TBC1D16: variants seen among roughly 807,000 people sequenced by gnomAD.
TBC1D16 encodes the protein CTD-2529O21.1.
Under a neutral mutation model 74.7 loss-of-function variants are expected in TBC1D16, and 58 were observed. The observed-to-expected ratio is 0.78, with a 90% CI of 0.63 to 0.97. TBC1D16 has a LOEUF of 0.97. TBC1D16 is among the 50% of genes least tolerant of loss of function. TBC1D16 has a pLI of 0.00. For missense variants in TBC1D16, 1,014 were observed against 1,079.5 expected, an observed-to-expected ratio of 0.94 and a Z score of 0.85; for synonymous variants, 493 against 474.7, an observed-to-expected ratio of 1.04 and a Z score of -0.50.
chr17:80,028,591 T>C (rs2036667531), intron 1 of TBC1D16, among the ~76,000 whole-genome samples: 1 of 151,620 alleles, frequency 6.6e-6, no homozygotes, highest in Non-Finnish European at 1.5e-5. Context: ...TCAATGCTGA[T>C]TCTAAACCAT....
At chr17:79,973,941 C>T (rs1340402021) in intron 3 of TBC1D16, among the ~76,000 whole-genome samples, 1 of 152,214 alleles carries the variant, frequency 6.6e-6, no homozygotes, top group Admixed American at 6.5e-5. Context: ...AACCTCAGCA[C>T]AGAATTCTGT....
intron 3 of TBC1D16, among the ~76,000 whole-genome samples, chr17:79,965,917 G>A (rs944037583): frequency 1.6e-4 from 24 of 152,180 alleles, no homozygotes; most frequent in South Asian, 4.1e-4. Flanking sequence ...TGGCCTGGTC[G>A]CCTCTTTCCT....
chr17:79,944,134 G>A lies in TBC1D16; in HGVS notation c.1908+774C>T, dbSNP rs1288521176. 42 of 1,535,828 alleles carry A rather than the reference G, an allele frequency of 2.7e-5. No homozygotes were observed. In the East Asian group the frequency reaches 3.7e-4, roughly 13 times the overall value. On this transcript the variant is annotated intron_variant, in intron 10 of 11. Transcript: ENST00000310924. The surrounding 1 kb of genome is among the most constrained non-coding windows in gnomAD (Gnocchi z 7.7). ...TGCGGTGTGAGTGAGGACAGGAGAC[G>A]CTGACGCAAATGTCTTCCAGCAGAT... is the stretch of plus-strand genomic sequence containing the variant.
At chr17:79,978,835 G>A (rs1213257243) in intron 3 of TBC1D16, among the ~76,000 whole-genome samples, 1 of 152,144 alleles carries the variant, frequency 6.6e-6, no homozygotes, top group Non-Finnish European at 1.5e-5. Context: ...GCAAAGGGAC[G>A]CTGGGTACAT....
intron 3 of TBC1D16, among the ~76,000 whole-genome samples, chr17:79,995,874 C>T (rs763541484): frequency 1.3e-5 from 2 of 152,116 alleles, no homozygotes; most frequent in Non-Finnish European, 2.9e-5. Flanking sequence ...TCATAAAAGG[C>T]ACAACTCATA....
rs1598301272 is a variant in TBC1D16 at position 79,937,908 on chromosome 17, T to G, written c.*2951A>C. 1 of 152,258 alleles carries G rather than the reference T, an allele frequency of 6.6e-6. No homozygotes were observed. Among genetic ancestry groups the G allele is most frequent in the East Asian group, 1.9e-4 (1 of 5,194 alleles). The allele number at this position is 152,258 out of a possible 1,614,324, so 9.4% of individuals were successfully genotyped here. ...TGTCAGCAGACATTAGCAGCAGAGC[T>G]GCACCACGCATCAACTTTTAAGTAT... On this transcript the variant is annotated 3_prime_UTR_variant, in exon 12 of 12. Transcript: ENST00000310924.
At chr17:80,004,901 C>A (rs1407779605) in intron 3 of TBC1D16, among the ~76,000 whole-genome samples, 3 of 152,196 alleles carry the variant, frequency 2.0e-5, no homozygotes, top group Non-Finnish European at 2.9e-5. Flanking sequence ...CCTCCAACTG[C>A]CAACCTCAAG....
chr17:79,950,244 T>C lies in TBC1D16; in HGVS notation c.1257+167A>G, dbSNP rs2032935983. 6.6e-6 allele frequency among the ~76,000 whole-genome samples: 1 copy of C among 152,088 alleles called. No homozygotes were observed. Among genetic ancestry groups the C allele is most frequent in the Non-Finnish European group, 1.5e-5 (1 of 67,994 alleles). On this transcript the variant is annotated intron_variant, in intron 6 of 11. Transcript: ENST00000310924. The surrounding 1 kb of genome is among the most constrained non-coding windows in gnomAD (Gnocchi z 4.6). ...TTTTCAACGCAGCAGCTTTGATTGCTTTATCGGTGTGTTCACAGAGAGCCT... is the reference window on the plus strand; with the variant it reads ...TTTTCAACGCAGCAGCTTTGATTGCCTTATCGGTGTGTTCACAGAGAGCCT...
In TBC1D16 at chr17:80,008,683, C is replaced by T. The variant is rs2035767320; in HGVS notation, c.779+1477G>A. Among the ~76,000 whole-genome samples, 1 of 152,186 alleles carries T rather than the reference C, an allele frequency of 6.6e-6. No homozygotes were observed. Among genetic ancestry groups the T allele is most frequent in the African/African-American group, 2.4e-5 (1 of 41,432 alleles). ...TCGGGTTCCCTGGCGCCTGACGCCA[C>T]CCAGCTCAGCAAGCCTCCTGGCACC... On this transcript the variant is annotated intron_variant, in intron 3 of 11. Transcript: ENST00000310924. The surrounding 1 kb of genome is among the most constrained non-coding windows in gnomAD (Gnocchi z 4.5).
chr17:80,013,660 T>C (rs1340534959), intron 1 of TBC1D16, 51 bp from the exon 2 acceptor site: 3 of 1,196,092 alleles, frequency 2.5e-6, no homozygotes, highest in East Asian at 5.3e-5. Flanking sequence ...TTGCGTTCTG[T>C]CTCACAGCAG....
At chr17:79,949,939 T>C (rs2032909135) in intron 6 of TBC1D16, 74 bp from the exon 7 acceptor site, 3 of 1,529,544 alleles carry the variant, frequency 2.0e-6, no homozygotes, top group African/African-American at 1.4e-5. Flanking sequence ...CCCAGAGATG[T>C]GTGTTTTGGT....
At position 79,949,745 on chromosome 17, in the gene TBC1D16, T is replaced by C. The variant is rs142282193; in HGVS notation, c.1378A>G (p.Lys460Glu). 2 of 1,612,922 alleles carry C rather than the reference T, an allele frequency of 1.2e-6. No homozygotes were observed. The highest frequency in any genetic ancestry group is 2.7e-5 in the African/African-American group (2 of 74,916). ...TTCTGCTGGATCTCAGAGTACTCCT[T>C]TCGCTTCTGCAGCCGCAGCGCCTCC... Reference protein sequence around the residue: ...EREALRLQKRKEYSEIQQKRL... With the variant: ...EREALRLQKREEYSEIQQKRL... Residue 460 changes from lysine to glutamate, a missense_variant, in exon 7 of 12, where the codon AAG (lysine) becomes GAG (glutamate). By Grantham distance (56) the Lys-to-Glu change is moderately conservative (BLOSUM62 1). Coordinates refer to ENST00000310924, the MANE Select transcript of TBC1D16 (RefSeq NM_019020.4).
Position 79,950,545 on chromosome 17 carries a change from A to T in TBC1D16, c.1123T>A (p.Ser375Thr), listed in dbSNP as rs574564722. The T allele has an allele frequency of 6.2e-7, 1 of 1,613,134 alleles. No homozygotes were observed. The highest frequency in any genetic ancestry group is 1.1e-5 in the South Asian group (1 of 90,678). ...VAPDKTCMQF[S>T]IRRPKLPSSE... ...GACGGCAGCTTGGGGCGGCGGATGG[A>T]GAACTGCATGCATGTCTTATCGGGG... The change falls in exon 6 of 12, where the codon TCC (serine) becomes ACC (threonine). Residue 375 changes from serine to threonine, a missense_variant. By Grantham distance (58) the Ser-to-Thr change is moderately conservative. Transcript: ENST00000310924. The surrounding 1 kb of genome is among the most constrained non-coding windows in gnomAD (Gnocchi z 4.6).
Position 79,950,302 on chromosome 17 carries a change from G to T in TBC1D16, c.1257+109C>A. The T allele has an allele frequency of 1.6e-6, 2 of 1,261,204 alleles. No individual in the cohort carries two copies. Among genetic ancestry groups the T allele is most frequent in the Non-Finnish European group, 2.1e-6 (2 of 940,472 alleles). 78.1% of individuals were successfully genotyped at this position (1,261,204 alleles called of 1,614,324 possible). ...GAAAACGGGGCCCTCACGAGGAGGT[G>T]GCCCGTGGGTGCGGGCGGGCGGCCA... On this transcript the variant is annotated intron_variant, in intron 6 of 11. Transcript: ENST00000310924. This position sits in a 1 kb window ranked among gnomAD's most constrained non-coding sequence, Gnocchi z 4.6.
rs1234273075 is a variant in TBC1D16 at position 79,988,824 on chromosome 17, C to A, written c.779+21336G>T. On this transcript the variant is annotated intron_variant, in intron 3 of 11. Coordinates refer to ENST00000310924, the MANE Select transcript of TBC1D16 (RefSeq NM_019020.4). The surrounding 1 kb of genome is among the most constrained non-coding windows in gnomAD (Gnocchi z 5.7). ...CCGCTAAGCATGGTGCTGTGTAGCC[C>A]GGCCAGCCCCGTGGAAGTCCTCAGC... Among the ~76,000 whole-genome samples, 3 of 152,150 alleles carry A rather than the reference C, an allele frequency of 2.0e-5. No homozygotes were observed. Among genetic ancestry groups the A allele is most frequent in the Admixed American group, 6.5e-5 (1 of 15,282 alleles).
intron 1 of TBC1D16, among the ~76,000 whole-genome samples, chr17:80,030,935 CAAAG>C: frequency 6.6e-6 from 1 of 152,368 alleles, no homozygotes; most frequent in Middle Eastern, 3.4e-3. Flanking sequence ...GCCCAAGCAA[CAAAG>C]AACAGGGAAA....
At position 80,020,101 on chromosome 17, in the gene TBC1D16, C is replaced by A. The variant is rs537254329; in HGVS notation, c.-62-6492G>T. On this transcript the variant is annotated intron_variant, in intron 1 of 11. Transcript: ENST00000310924. ...TGTGTGAATACAATGATGCCACCTA[C>A]CAGCAAGGAGCAGGCCTGGAGCAGC... Among the ~76,000 whole-genome samples the A allele has an allele frequency of 2.7e-5, 4 of 149,618 alleles. No homozygotes were observed. The East Asian group carries it at 7.7e-4, about 29-fold the overall frequency.
At chr17:80,028,018 G>T (rs746849154) in intron 1 of TBC1D16, among the ~76,000 whole-genome samples, 39 of 151,828 alleles carry the variant, frequency 2.6e-4, no homozygotes, top group Non-Finnish European at 5.0e-4. Flanking sequence ...TTGTTGGTTT[G>T]TGTTTTCAAT....
chr17:80,016,130 C>T (rs533550665), intron 1 of TBC1D16, among the ~76,000 whole-genome samples: 3 of 152,136 alleles, frequency 2.0e-5, no homozygotes, highest in East Asian at 1.9e-4. Flanking sequence ...GGATGAACCC[C>T]GAAAACATTG....
Sources: gnomAD v4.1 joint callset for allele counts (sites outside exome capture counted in the v4.1 genomes callset) on GRCh38, gnomAD v4.1.1 for gene constraint, Gnocchi (gnomAD v3.1) non-coding constraint, MANE v1.5 for transcripts, NCBI Gene and HGNC (gene_info 2026-07-23, HGNC 2026-07-21) for gene names.